Variants in SPEN observed in about 807,000 individuals in gnomAD.
The protein encoded by SPEN is spen family transcriptional repressor.
Under a neutral mutation model 269.9 loss-of-function variants are expected in SPEN, and 18 were observed. The observed-to-expected ratio is 0.07, with a 90% confidence interval of 0.05 to 0.10. The LOEUF (loss-of-function observed/expected upper bound fraction) is 0.10. Ranked by LOEUF, SPEN falls within the 10% of genes least tolerant of loss-of-function variation. The pLI, the probability that SPEN is intolerant of heterozygous loss-of-function variation, is 1.00. For missense variants in SPEN, 3,822 were observed against 4,631.2 expected, an observed-to-expected ratio of 0.83 and a Z score of 5.07; for synonymous variants, 1,726 against 1,765.7, an observed-to-expected ratio of 0.98 and a Z score of 0.56.
At chr1:15,921,135 GAT>G in intron 9 of SPEN, 152 bp downstream of exon 9, 1 of 423,766 alleles carries the variant, frequency 2.4e-6, no homozygotes, top group Non-Finnish European at 4.3e-6. Context: ...AGACCAGCCT[GAT>G]GAACATGGTG....
intron 3 of SPEN, among the ~76,000 whole-genome samples, chr1:15,892,240 G>C (rs572455176): frequency 1.4e-3 from 212 of 151,954 alleles, no homozygotes; most frequent in African/African-American, 5.0e-3. Context: ...TAGCCAGGGT[G>C]GTCTCGATCT....
chr1:15,932,939 C>T lies in SPEN; in HGVS notation c.6699C>T (p.Phe2233=), dbSNP rs138786955. The change falls in exon 11 of 15, where the codon TTC becomes TTT. Residue 2233 remains phenylalanine (F), a synonymous_variant. Transcript: ENST00000375759. The surrounding 1 kb of genome is among the most constrained non-coding windows in gnomAD (Gnocchi z 4.2). ...INDISGEPEN[F]PAPPPYPGES... ...ACATTTCTGGGGAGCCAGAAAACTT[C>T]CCAGCACCTCCACCTTATCCTGGAG... 5,351 of 1,614,238 alleles carry T rather than the reference C, an allele frequency of 3.3e-3. 14 individuals carry two copies. Among genetic ancestry groups the T allele is most frequent in the Non-Finnish European group, 4.2e-3 (4,965 of 1,180,042 alleles).
In SPEN at chr1:15,848,626, G is replaced by C. The variant is rs2148698713; in HGVS notation, c.83+476G>C. On this transcript the variant is annotated intron_variant, in intron 1 of 14. Transcript: ENST00000375759. The surrounding 1 kb of genome is among the most constrained non-coding windows in gnomAD (Gnocchi z 5.1). ...ATGTCTGACTTCGGGAGGGTTCCGT[G>C]CGAAGGGAAAGGCGGTGCGAAAACA... Among the ~76,000 whole-genome samples the C allele has an allele frequency of 6.6e-6, 1 of 152,322 alleles. No individual in the cohort carries two copies. The highest frequency in any genetic ancestry group is 1.5e-5 in the Non-Finnish European group (1 of 68,020).
intron 3 of SPEN, among the ~76,000 whole-genome samples, chr1:15,908,047 G>A (rs144604267): frequency 1.3e-5 from 2 of 152,122 alleles, no homozygotes; most frequent in African/African-American, 4.8e-5. Flanking sequence ...AAAGCCTAAA[G>A]TAACATGATC....
In SPEN at chr1:15,933,213, C is replaced by G; in HGVS notation, c.6973C>G (p.Leu2325Val). ...AKGSKEVEVT[L>V]VRKDKGRQKT... ...AGGGTCTAAAGAAGTGGAAGTCACTCTTGTTCGGAAAGACAAAGGGCGCCA... is the reference window on the plus strand; with the variant it reads ...AGGGTCTAAAGAAGTGGAAGTCACTGTTGTTCGGAAAGACAAAGGGCGCCA... The change falls in exon 11 of 15, where the codon CTT becomes GTT. Residue 2325 changes from leucine (L) to valine (V), a missense_variant. Leu to Val is a conservative substitution (Grantham distance 32). Around this residue, in one of 16 missense-constraint regions of SPEN, gnomAD observed 727 missense variants for 737.9 expected, o/e 0.99. Transcript: ENST00000375759. The surrounding 1 kb of genome is among the most constrained non-coding windows in gnomAD (Gnocchi z 5.7). The G allele has an allele frequency of 6.2e-7, 1 of 1,614,176 alleles. No homozygotes were observed. Among genetic ancestry groups the G allele is most frequent in the East Asian group, 2.2e-5 (1 of 44,874 alleles).
intron 3 of SPEN, among the ~76,000 whole-genome samples, chr1:15,898,807 T>A (rs1447826753): frequency 6.6e-6 from 1 of 152,042 alleles, no homozygotes; most frequent in Non-Finnish European, 1.5e-5. Context: ...AGGTGATCCG[T>A]CCACCTTGGC....
At chr1:15,907,096 T>A (rs2070964659) in intron 3 of SPEN, among the ~76,000 whole-genome samples, 1 of 152,106 alleles carries the variant, frequency 6.6e-6, no homozygotes, top group Admixed American at 6.6e-5. Flanking sequence ...TGCTTTAACA[T>A]GTGAGAGCTA....
At chr1:15,881,581 A>G (rs906067544) in intron 3 of SPEN, among the ~76,000 whole-genome samples, 1 of 152,234 alleles carries the variant, frequency 6.6e-6, no homozygotes, top group Non-Finnish European at 1.5e-5. Context: ...TAAGTAGTTG[A>G]AATACTTAGA....
chr1:15,899,398 T>G (rs1260956824), intron 3 of SPEN, among the ~76,000 whole-genome samples: 1 of 152,102 alleles, frequency 6.6e-6, no homozygotes, highest in African/African-American at 2.4e-5. Context: ...CAGGCTGGTC[T>G]TGAACTCCTG....
At chr1:15,903,619 G>A (rs1035594852) in intron 3 of SPEN, among the ~76,000 whole-genome samples, 1 of 151,614 alleles carries the variant, frequency 6.6e-6, no homozygotes, top group Non-Finnish European at 1.5e-5. Flanking sequence ...CAAGTGATCT[G>A]CCTGCCTTGG....
Position 15,905,918 on chromosome 1 carries a change from T to C in SPEN, c.882-3403T>C, listed in dbSNP as rs560599817. 1.1e-4 allele frequency among the ~76,000 whole-genome samples: 17 copies of C among 152,330 alleles called. No individual in the cohort carries two copies. The East Asian group carries it at 2.7e-3, about 24-fold the overall frequency. On this transcript the variant is annotated intron_variant, in intron 3 of 14. Transcript: ENST00000375759. ...CCGTAAATTTTGCTTTTGCTCGTGATTGTTTACTTCTGTAACCACTGTTGC... is the reference window on the plus strand; with the variant it reads ...CCGTAAATTTTGCTTTTGCTCGTGACTGTTTACTTCTGTAACCACTGTTGC...
chr1:15,893,743 C>G (rs1026821414), intron 3 of SPEN, among the ~76,000 whole-genome samples: 1 of 149,786 alleles, frequency 6.7e-6, no homozygotes. Context: ...TAAAAAAAAA[C>G]AAAAAAAAGC....
chr1:15,848,015 A>G lies in SPEN; in HGVS notation c.-53A>G. The G allele has an allele frequency of 3.9e-6, 5 of 1,274,422 alleles. No individual in the cohort carries two copies. Among genetic ancestry groups the G allele is most frequent in the East Asian group, 3.3e-5 (1 of 30,112 alleles). 78.9% of individuals were successfully genotyped at this position (1,274,422 alleles called of 1,614,324 possible). On this transcript the variant is annotated 5_prime_UTR_variant, in exon 1 of 15. Transcript: ENST00000375759. This position sits in a 1 kb window ranked among gnomAD's most constrained non-coding sequence, Gnocchi z 5.1. ...CGCCTCCCGGCGCTGACGGTCTCGT[A>G]CGAAGCCGGCGAGGGGGAGCCAGCA...
intron 5 of SPEN, among the ~76,000 whole-genome samples, chr1:15,914,430 T>C (rs115313472): frequency 1.5e-4 from 23 of 152,284 alleles, no homozygotes; most frequent in African/African-American, 5.5e-4. Flanking sequence ...ATAATTGTTA[T>C]CAACAAAACC....
chr1:15,938,077 C>A, intron 13 of SPEN, 71 bp downstream of exon 13: 1 of 1,333,816 alleles, frequency 7.5e-7, no homozygotes, highest in Non-Finnish European at 1.0e-6. Flanking sequence ...TCCCTGCCAG[C>A]CCATCTCCCT....
Position 15,939,520 on chromosome 1 carries a change from A to C in SPEN, c.*93A>C. 1 of 1,421,676 alleles carries C rather than the reference A, an allele frequency of 7.0e-7. No individual in the cohort carries two copies. Among genetic ancestry groups the C allele is most frequent in the Non-Finnish European group, 9.3e-7 (1 of 1,071,890 alleles). The allele number at this position is 1,421,676 out of a possible 1,614,324, so 88.1% of individuals were successfully genotyped here. A position where few individuals can be genotyped will look rare whatever the true frequency, so the allele number is the denominator to read the frequency against. ...GCCAAGCAGAGGAAGAAGCTGCCGA[A>C]GGGGACAGACTCCACTGCCAGACGG... is the stretch of plus-strand genomic sequence containing the variant. On this transcript the variant is annotated 3_prime_UTR_variant, in exon 15 of 15. Coordinates refer to ENST00000375759, the MANE Select transcript of SPEN (RefSeq NM_015001.3). The surrounding 1 kb of genome is among the most constrained non-coding windows in gnomAD (Gnocchi z 4.1).
intron 1 of SPEN, among the ~76,000 whole-genome samples, chr1:15,861,100 G>GA (rs2070443540): frequency 6.6e-6 from 1 of 151,266 alleles, no homozygotes; most frequent in African/African-American, 2.4e-5. Flanking sequence ...TTTTGGTAGA[G>GA]ATGGGGTTTC....
In SPEN at chr1:15,939,210, T is replaced by C; in HGVS notation, c.10864-86T>C. On this transcript the variant is annotated intron_variant, in intron 14 of 14. Transcript: ENST00000375759. This position sits in a 1 kb window ranked among gnomAD's most constrained non-coding sequence, Gnocchi z 4.1. ...GACTGATTTGGCCTGGCTCTTAGCA[T>C]TGGGCCTCTTCAGGGCTCCCCAATG... The C allele has an allele frequency of 1.4e-6, 2 of 1,475,436 alleles. No individual in the cohort carries two copies. Among genetic ancestry groups the C allele is most frequent in the Admixed American group, 2.4e-5 (1 of 41,038 alleles). The allele number at this position is 1,475,436 out of a possible 1,614,324, so 91.4% of individuals were successfully genotyped here.
chr1:15,913,840 G>C (rs1214287066), intron 5 of SPEN, among the ~76,000 whole-genome samples: 3 of 152,012 alleles, frequency 2.0e-5, no homozygotes, highest in Admixed American at 6.6e-5. Context: ...CTGGGCAACA[G>C]AGCAAGACCC....
Sources: gnomAD v4.1 joint callset for allele counts (sites outside exome capture counted in the v4.1 genomes callset) on GRCh38, gnomAD v4.1.1 for gene constraint, gnomAD v4.1.1 regional missense constraint, Gnocchi (gnomAD v3.1) non-coding constraint, MANE v1.5 for transcripts, NCBI Gene and HGNC (gene_info 2026-07-23, HGNC 2026-07-21) for gene names.